Variants in NSD2 observed in about 807,000 individuals in gnomAD.
NSD2 encodes nuclear receptor binding SET domain protein 2, also known as histone-lysine N-methyltransferase NSD2.
Under a neutral mutation model 139.0 loss-of-function variants are expected in NSD2, and 12 were observed. The observed-to-expected ratio is 0.09, with a 90% CI of 0.06 to 0.14. The LOEUF (loss-of-function observed/expected upper bound fraction) is 0.14, where lower values mean the gene tolerates loss of function less well. NSD2 is among the 10% of genes least tolerant of loss of function. NSD2 has a pLI of 1.00. For synonymous variants in NSD2, 669 were observed against 648.7 expected (o/e 1.03, Z -0.48); for missense variants, 1,155 against 1,745.0 (o/e 0.66, Z 6.02).
chr4:1,935,842 C>A (rs1028613398), intron 7 of NSD2, among the ~76,000 whole-genome samples: 1 of 151,868 alleles, frequency 6.6e-6, no homozygotes, highest in Non-Finnish European at 1.5e-5. Context: ...GCCTGGGCGA[C>A]ACAGCAAGAT....
chr4:1,901,197 G>A lies in NSD2; in HGVS notation c.543G>A (p.Gln181=), dbSNP rs769906407. Residue 181 remains glutamine (Q), a synonymous_variant, in exon 2 of 22, where the codon CAG becomes CAA. Transcript: ENST00000508803. ...TAAAATATGACTCCTTGCTGGAGCA[G>A]GGCCTTGTCGAAGCAGCTCTTGTGT... ...RSIKYDSLLE[Q]GLVEAALVSK... 13 of 1,605,402 alleles carry A rather than the reference G, an allele frequency of 8.1e-6. No individual in the cohort carries two copies. In the Admixed American group the frequency reaches 1.7e-4, roughly 21 times the overall value.
At chr4:1,949,503 C>G (rs1421289362) in intron 9 of NSD2, among the ~76,000 whole-genome samples, 1 of 152,168 alleles carries the variant, frequency 6.6e-6, no homozygotes, top group Non-Finnish European at 1.5e-5. Context: ...TGGCTCATGC[C>G]TGTAATCCCA....
Position 1,948,039 on chromosome 4 carries a change from A to G in NSD2, c.1882-3033A>G. ...AATATCATCTTGAAAAGTCCCTGTA[A>G]TAGATCAAGGAGACTGCATTCCCTG... On this transcript the variant is annotated intron_variant, in intron 9 of 21. Transcript: ENST00000508803. This position sits in a 1 kb window ranked among gnomAD's most constrained non-coding sequence, Gnocchi z 4.5. 2 of 1,056,658 alleles carry G rather than the reference A, an allele frequency of 1.9e-6. No homozygotes were observed. The highest frequency in any genetic ancestry group is 2.3e-6 in the Non-Finnish European group (2 of 873,688). 65.5% of individuals were successfully genotyped at this position (1,056,658 alleles called of 1,614,324 possible).
At chr4:1,887,966 T>C (rs1249454307) in intron 1 of NSD2, among the ~76,000 whole-genome samples, 1 of 152,100 alleles carries the variant, frequency 6.6e-6, no homozygotes, top group Non-Finnish European at 1.5e-5. Flanking sequence ...CTGCTCCAGA[T>C]TGGACTCCTC....
rs575004995 is a variant in NSD2, at chr4:1,925,587, T to C, written c.1411-5039T>C. Among the ~76,000 whole-genome samples the C allele has an allele frequency of 4.0e-5, 6 of 150,898 alleles. No individual in the cohort carries two copies. In the South Asian group the frequency reaches 1.0e-3, roughly 26 times the overall value. ...CTAATTTTTGTATTTTTAGTAGAGA[T>C]GGGGTTTCATTATGTTGGCCAGGCT... On this transcript the variant is annotated intron_variant, in intron 5 of 21. Transcript: ENST00000508803.
intron 1 of NSD2, among the ~76,000 whole-genome samples, chr4:1,893,156 T>C (rs1431081480): frequency 1.2e-4 from 18 of 152,130 alleles, no homozygotes; most frequent in Admixed American, 1.1e-3. Context: ...CTTTCTTTTG[T>C]GAAAGAGATA....
In NSD2 at chr4:1,955,629, C is replaced by T. The variant is rs1183469445; in HGVS notation, c.2519-64C>T. 3 of 1,522,598 alleles carry T rather than the reference C, an allele frequency of 2.0e-6. No individual in the cohort carries two copies. Among genetic ancestry groups the T allele is most frequent in the African/African-American group, 1.4e-5 (1 of 72,540 alleles). The allele number at this position is 1,522,598 out of a possible 1,614,324, so 94.3% of individuals were successfully genotyped here. The stretch of plus-strand genomic sequence containing the variant: ...GCTGTAATAAGTGTAGACTGTGAAG[C>T]ACTGAATCTGGGCTGAGCCATAGCA... On this transcript the variant is annotated intron_variant, in intron 13 of 21. Coordinates refer to ENST00000508803, the MANE Select transcript of NSD2 (RefSeq NM_001042424.3). The surrounding 1 kb of genome is among the most constrained non-coding windows in gnomAD (Gnocchi z 4.7).
intron 1 of NSD2, among the ~76,000 whole-genome samples, chr4:1,889,767 A>G (rs1198888545): frequency 6.6e-6 from 1 of 152,060 alleles, no homozygotes; most frequent in Non-Finnish European, 1.5e-5. Flanking sequence ...TTGACCTCCC[A>G]AAGTGCTGGG....
In NSD2 at chr4:1,958,042, G is replaced by A. The variant is rs199564032; in HGVS notation, c.2985+6G>A. 16 of 1,613,266 alleles carry A rather than the reference G, an allele frequency of 9.9e-6. No individual in the cohort carries two copies. The highest frequency in any genetic ancestry group is 8.9e-5 in the East Asian group (4 of 44,866). On this transcript the variant is annotated splice_donor_region_variant and intron_variant, in intron 16 of 21. Transcript: ENST00000508803. The surrounding 1 kb of genome is among the most constrained non-coding windows in gnomAD (Gnocchi z 4.6). ...CACCATACAAGCACATCAAGGTGGC[G>A]TGTGGGAGCTGCGTGCACGCGTGTG...
intron 9 of NSD2, chr4:1,943,753 A>T (rs1214346388): frequency 1.9e-6 from 2 of 1,058,544 alleles, no homozygotes; most frequent in African/African-American, 3.3e-5. Context: ...AAATTTAAAG[A>T]TGGGGAAAAA....
chr4:1,910,202 C>T (rs1358743624), intron 3 of NSD2, among the ~76,000 whole-genome samples: 1 of 151,972 alleles, frequency 6.6e-6, no homozygotes, highest in African/African-American at 2.4e-5. Context: ...TACCAGGGCA[C>T]CTAGGTGGAC....
At position 1,978,713 on chromosome 4, in the gene NSD2, A is replaced by C; in HGVS notation, c.3902A>C (p.Asn1301Thr). The C allele has an allele frequency of 6.2e-7, 1 of 1,613,990 alleles. No homozygotes were observed. Among genetic ancestry groups the C allele is most frequent in the Non-Finnish European group, 8.5e-7 (1 of 1,179,970 alleles). ...PSTSFCHLCP[N>T]SFCKEHQDGT... ...ACTTCATTTTGCCACCTCTGCCCCA[A>C]TTCGTTCTGTAAGGAGCACCAGGAC... The change falls in exon 22 of 22, where the codon AAT becomes ACT. Residue 1301 changes from asparagine (N) to threonine (T), a missense_variant. Transcript: ENST00000508803.
chr4:1,945,814 T>C (rs1723570513), intron 9 of NSD2: 2 of 1,064,194 alleles, frequency 1.9e-6, no homozygotes, highest in Non-Finnish European at 2.3e-6. Flanking sequence ...CGGATTCCCC[T>C]CGCTGGAGAG....
rs969524486 is a variant in NSD2 at position 1,972,177 on chromosome 4, A to G, written c.3373-2686A>G. 6.6e-6 allele frequency among the ~76,000 whole-genome samples: 1 copy of G among 152,184 alleles called. No homozygotes were observed. Among genetic ancestry groups the G allele is most frequent in the African/African-American group, 2.4e-5 (1 of 41,452 alleles). ...CCACAGGTTTTCCCCTGCCCTCCTC[A>G]TGTATGCAGAGCCACAAAGAGCATT... On this transcript the variant is annotated intron_variant, in intron 18 of 21. Coordinates refer to ENST00000508803, the MANE Select transcript of NSD2 (RefSeq NM_001042424.3). This position sits in a 1 kb window ranked among gnomAD's most constrained non-coding sequence, Gnocchi z 4.0.
chr4:1,918,520 G>A lies in NSD2; in HGVS notation c.1307G>A (p.Gly436Glu), dbSNP rs769930210. 3 of 1,613,872 alleles carry A rather than the reference G, an allele frequency of 1.9e-6. No homozygotes were observed. ...TAEADPRRGVGSPPGRKKTTV... is the reference protein window; with the variant it reads ...TAEADPRRGVESPPGRKKTTV... ...GAGGCTGACCCCAGAAGAGGAGTAG[G>A]GTCTCCTCCTGGGAGGAAGAAGACC... Residue 436 changes from glycine (G) to glutamate (E), a missense_variant, in exon 5 of 22, where the codon GGG (glycine) becomes GAG (glutamate). Physicochemically the swap from Gly to Glu is moderately conservative, Grantham distance 98. Coordinates refer to ENST00000508803, the MANE Select transcript of NSD2 (RefSeq NM_001042424.3).
rs967235797 is a variant in NSD2 at position 1,966,526 on chromosome 4, A to G, written c.3372+5375A>G. On this transcript the variant is annotated intron_variant, in intron 18 of 21. Transcript: ENST00000508803. ...AAAAAAATTAGCCGGGCGTGGTGGC[A>G]GGCGCCTGTAATCCCAGCTACTAGG... 2.0e-5 allele frequency among the ~76,000 whole-genome samples: 3 copies of G among 152,036 alleles called. No homozygotes were observed. The East Asian group carries it at 5.8e-4, about 29-fold the overall frequency.
intron 1 of NSD2, among the ~76,000 whole-genome samples, chr4:1,898,688 CACT>C: frequency 6.8e-5 from 10 of 146,724 alleles, no homozygotes; most frequent in African/African-American, 2.5e-4. Flanking sequence ...ACAAAAAACA[CACT>C]TTTTTTTTTT....
At chr4:1,945,060 C>T (rs1191399977) in intron 9 of NSD2, 1 of 1,066,338 alleles carries the variant, frequency 9.4e-7, no homozygotes, top group Non-Finnish European at 1.1e-6. Context: ...GTCGGGGGCT[C>T]CTCTGTCCCA....
At chr4:1,936,006 T>G (rs1239627576) in intron 7 of NSD2, among the ~76,000 whole-genome samples, 1 of 152,240 alleles carries the variant, frequency 6.6e-6, no homozygotes, top group Non-Finnish European at 1.5e-5. Flanking sequence ...TTAAAGGCAA[T>G]GAACCTAGAT....
Sources: gnomAD v4.1 joint callset for allele counts (sites outside exome capture counted in the v4.1 genomes callset) on GRCh38, gnomAD v4.1.1 for gene constraint, Gnocchi (gnomAD v3.1) non-coding constraint, MANE v1.5 for transcripts, NCBI Gene and HGNC (gene_info 2026-07-23, HGNC 2026-07-21) for gene names.